FAM110B: variants seen among roughly 807,000 people sequenced by gnomAD.
FAM110B encodes family with sequence similarity 110 member B.
In FAM110B, 6 loss-of-function variants were observed where a neutral mutation model predicts 20.4. The ratio of observed to expected loss-of-function variants is 0.29; its 90% CI spans 0.16 to 0.58. FAM110B has a LOEUF of 0.58. Ranked by LOEUF, FAM110B falls within the 20% of genes least tolerant of loss-of-function variation. FAM110B has a pLI of 0.90. For synonymous variants in FAM110B, 226 were observed against 214.1 expected, an observed-to-expected ratio of 1.06 and a Z score of -0.49; for missense variants, 434 against 498.2, an observed-to-expected ratio of 0.87 and a Z score of 1.23.
intron 3 of FAM110B, chr8:58,099,069 A>G (rs1339130513): frequency 6.6e-6 from 1 of 152,108 alleles, no homozygotes; most frequent in Non-Finnish European, 1.5e-5. Flanking sequence ...TGTTGATAGG[A>G]GGTTTTGTAG....
chr8:58,124,744 A>ACACT (rs1477264315), intron 3 of FAM110B, among the ~76,000 whole-genome samples: 5 of 152,220 alleles, frequency 3.3e-5, no homozygotes, highest in Non-Finnish European at 5.9e-5. Flanking sequence ...CCATCACTCT[A>ACACT]CACTCATCTC....
At position 58,042,336 on chromosome 8, in the gene FAM110B, T is replaced by C. The variant is rs1436129913; in HGVS notation, c.-414+10633T>C. On this transcript the variant is annotated intron_variant, in intron 2 of 3. Coordinates refer to ENST00000519262, the MANE Select transcript of FAM110B (RefSeq NM_001377989.1). ...TTCCTGATTTTCTGGCACAATCCAG[T>C]GGTAATGAGAATTGTGAGTGCAATG... 3.3e-5 allele frequency among the ~76,000 whole-genome samples: 5 copies of C among 152,364 alleles called. No individual in the cohort carries two copies. The East Asian group carries it at 7.7e-4, about 23-fold the overall frequency.
chr8:58,128,236 A>G (rs1807561831), intron 3 of FAM110B, among the ~76,000 whole-genome samples: 1 of 152,138 alleles, frequency 6.6e-6, no homozygotes, highest in African/African-American at 2.4e-5. Flanking sequence ...TCTTGTCCAG[A>G]GTCACAGAGC....
intron 1 of FAM110B, among the ~76,000 whole-genome samples, chr8:58,017,968 C>T (rs1804672692): frequency 6.6e-6 from 1 of 152,090 alleles, no homozygotes; most frequent in Non-Finnish European, 1.5e-5. Context: ...AAGGATTGCT[C>T]TGTATGTCAT....
chr8:58,045,135 T>A (rs991581186), intron 2 of FAM110B, among the ~76,000 whole-genome samples: 1 of 152,012 alleles, frequency 6.6e-6, no homozygotes, highest in Non-Finnish European at 1.5e-5. Context: ...TATTGACACC[T>A]TTATTAAGGG....
At chr8:58,038,338 A>G (rs1805130039) in intron 2 of FAM110B, among the ~76,000 whole-genome samples, 1 of 152,212 alleles carries the variant, frequency 6.6e-6, no homozygotes, top group African/African-American at 2.4e-5. Context: ...AGTGTTGAAG[A>G]CAGAGATGTT....
intron 1 of FAM110B, among the ~76,000 whole-genome samples, chr8:58,015,844 C>CAAA (rs11318984): frequency 2.0e-5 from 2 of 101,546 alleles, no homozygotes; most frequent in African/African-American, 7.3e-5. Context: ...GACTTTGTCT[C>CAAA]AAAAAAAAAA....
intron 1 of FAM110B, among the ~76,000 whole-genome samples, chr8:58,010,183 G>GTTT (rs34438201): frequency 7.1e-6 from 1 of 140,730 alleles, no homozygotes; most frequent in African/African-American, 2.6e-5. Context: ...CGCCCTGCTA[G>GTTT]TTTTTTTTTT....
intron 2 of FAM110B, among the ~76,000 whole-genome samples, chr8:58,043,826 TGAG>T (rs1312369029): frequency 2.6e-5 from 4 of 152,184 alleles, no homozygotes; most frequent in Non-Finnish European, 5.9e-5. Context: ...ATTTTATAGA[TGAG>T]GAGACTGAGG....
intron 2 of FAM110B, among the ~76,000 whole-genome samples, chr8:58,056,882 G>T (rs529157262): frequency 6.6e-6 from 1 of 152,250 alleles, no homozygotes; most frequent in South Asian, 2.1e-4. Flanking sequence ...GGAACTCTGC[G>T]TGCATGTTCT....
In FAM110B at chr8:58,146,752, G is replaced by T. The variant is rs183366212; in HGVS notation, c.522G>T (p.Pro174=). Residue 174 remains proline, a synonymous_variant, in exon 4 of 4, where the codon CCG becomes CCT. Transcript: ENST00000519262. ...ACCCCACGCAGGGCCGCAGGAGCCC[G>T]CAGGAGGGCGGCTCCCACGTGGGCA... ...KVYPTQGRRS[P]QEGGSHVGRR... The T allele has an allele frequency of 9.1e-5, 146 of 1,611,688 alleles. 1 individual carries two copies. In the Admixed American group the frequency reaches 2.1e-3, roughly 24 times the overall value.
chr8:58,052,809 G>A (rs1330015905), intron 2 of FAM110B, among the ~76,000 whole-genome samples: 4 of 117,542 alleles, frequency 3.4e-5, no homozygotes, highest in Non-Finnish European at 5.0e-5. Flanking sequence ...TTTTTGAGAC[G>A]GAGTCTCGCT....
intron 3 of FAM110B, among the ~76,000 whole-genome samples, chr8:58,082,963 C>G (rs1313647140): frequency 6.7e-6 from 1 of 148,928 alleles, no homozygotes; most frequent in African/African-American, 2.5e-5. Context: ...GAGCTATGAT[C>G]ATGCCACTGT....
At position 58,147,352 on chromosome 8, in the gene FAM110B, G is replaced by T; in HGVS notation, c.*9G>T. 1 of 1,607,994 alleles carries T rather than the reference G, an allele frequency of 6.2e-7. No homozygotes were observed. The highest frequency in any genetic ancestry group is 1.1e-5 in the South Asian group (1 of 89,982). ...AGGTCTCCCATGTGTAAGACAGTGC[G>T]TGGAAAGGAGGGAGCGTGGGTCTCT... On this transcript the variant is annotated 3_prime_UTR_variant, in exon 4 of 4. Coordinates refer to ENST00000519262, the MANE Select transcript of FAM110B (RefSeq NM_001377989.1).
At chr8:58,006,901 GTATATATATATATA>G (rs761091750) in intron 1 of FAM110B, among the ~76,000 whole-genome samples, 2 of 97,496 alleles carry the variant, frequency 2.1e-5, no homozygotes, top group Non-Finnish European at 4.4e-5. Context: ...GGCTTAATTG[GTATATATATATATA>G]TATATATATT....
intron 3 of FAM110B, among the ~76,000 whole-genome samples, chr8:58,095,932 G>T (rs1195030199): frequency 1.3e-5 from 2 of 152,160 alleles, no homozygotes; most frequent in African/African-American, 2.4e-5. Flanking sequence ...CCTGTATTGT[G>T]TGCATATATA....
chr8:58,036,706 C>T (rs1009149180), intron 2 of FAM110B, among the ~76,000 whole-genome samples: 3 of 152,196 alleles, frequency 2.0e-5, no homozygotes, highest in African/African-American at 7.2e-5. Context: ...TGCACACATA[C>T]ACACTTCCCA....
At chr8:58,095,811 G>A (rs544380948) in intron 3 of FAM110B, among the ~76,000 whole-genome samples, 6 of 152,184 alleles carry the variant, frequency 3.9e-5, no homozygotes, top group East Asian at 3.9e-4. Flanking sequence ...TTTCTGTCTC[G>A]TTGATCTGTC....
intron 3 of FAM110B, among the ~76,000 whole-genome samples, chr8:58,119,569 C>T (rs954591550): frequency 3.3e-5 from 5 of 152,266 alleles, no homozygotes; most frequent in African/African-American, 9.6e-5. Context: ...AATAGTGGTG[C>T]GTAAATTTAT....
Sources: allele counts gnomAD v4.1 joint callset (sites outside exome capture counted in the v4.1 genomes callset), GRCh38; gene constraint gnomAD v4.1.1; transcripts MANE v1.5; gene names NCBI Gene and HGNC (gene_info 2026-07-23, HGNC 2026-07-21).